AUTS2: variants seen among roughly 807,000 people sequenced by gnomAD.
AUTS2 encodes activator of transcription and developmental regulator AUTS2, also known as autism susceptibility gene 2 protein.
AUTS2 carries 17 observed loss-of-function variants against 112.4 expected under a neutral mutation model. The observed-to-expected ratio is 0.15, with a 90% CI of 0.10 to 0.23. AUTS2 has a LOEUF of 0.23. AUTS2 is among the 10% of genes least tolerant of loss of function. The pLI is 1.00. For missense variants in AUTS2, 1,510 were observed against 1,701.6 expected, an observed-to-expected ratio of 0.89 and a Z score of 1.98; for synonymous variants, 751 against 702.7, an observed-to-expected ratio of 1.07 and a Z score of -1.09.
intron 6 of AUTS2, among the ~76,000 whole-genome samples, chr7:70,710,194 T>G (rs1414531773): frequency 6.8e-6 from 1 of 146,026 alleles, no homozygotes; most frequent in African/African-American, 2.6e-5. Flanking sequence ...GACTGTCATT[T>G]GGACCACTTC....
intron 1 of AUTS2, among the ~76,000 whole-genome samples, chr7:69,724,272 A>G (rs188204272): frequency 1.3e-5 from 2 of 152,300 alleles, no homozygotes; most frequent in Admixed American, 1.3e-4. Flanking sequence ...GATTCTTTTT[A>G]ACGATTTCAT....
At chr7:70,491,675 C>T (rs758216506) in intron 5 of AUTS2, among the ~76,000 whole-genome samples, 5 of 150,760 alleles carry the variant, frequency 3.3e-5, no homozygotes, top group South Asian at 2.1e-4. Flanking sequence ...AGTGCAGTGG[C>T]GCAATCTCAG....
chr7:70,272,010 G>A (rs184776888), intron 4 of AUTS2, among the ~76,000 whole-genome samples: 2 of 152,216 alleles, frequency 1.3e-5, no homozygotes, highest in African/African-American at 4.8e-5. Flanking sequence ...AGACTAGGAC[G>A]CGTCTCAGCA....
chr7:69,800,175 A>G (rs1277841370), intron 1 of AUTS2, among the ~76,000 whole-genome samples: 1 of 152,198 alleles, frequency 6.6e-6, no homozygotes, highest in Non-Finnish European at 1.5e-5. Flanking sequence ...ACTCCAGGTC[A>G]ATGTATTCCC....
intron 4 of AUTS2, among the ~76,000 whole-genome samples, chr7:70,310,898 C>T (rs1789718468): frequency 1.3e-5 from 2 of 152,190 alleles, no homozygotes; most frequent in African/African-American, 4.8e-5. Context: ...AATGTTAATA[C>T]AAGTAAAATA....
At chr7:69,925,415 AC>A (rs1183939777) in intron 2 of AUTS2, among the ~76,000 whole-genome samples, 1 of 152,128 alleles carries the variant, frequency 6.6e-6, no homozygotes, top group African/African-American at 2.4e-5. Context: ...CTTTAGCAGC[AC>A]CCCAAATATT....
intron 4 of AUTS2, among the ~76,000 whole-genome samples, chr7:70,328,424 G>A (rs1790591889): frequency 1.3e-5 from 2 of 151,872 alleles, no homozygotes; most frequent in South Asian, 4.2e-4. Context: ...GTCTTGCTTT[G>A]TTGCCTAGGC....
intron 5 of AUTS2, among the ~76,000 whole-genome samples, chr7:70,595,694 T>C (rs1198647324): frequency 6.6e-6 from 1 of 152,218 alleles, no homozygotes; most frequent in Non-Finnish European, 1.5e-5. Flanking sequence ...TAACATGAAG[T>C]TGGAGTAGAT....
intron 1 of AUTS2, among the ~76,000 whole-genome samples, chr7:69,891,482 A>G (rs1404308233): frequency 6.6e-6 from 1 of 152,152 alleles, no homozygotes; most frequent in African/African-American, 2.4e-5. Context: ...AATTTCTCTT[A>G]GGGAAATACC....
intron 1 of AUTS2, among the ~76,000 whole-genome samples, chr7:69,651,389 G>T (rs1795280831): frequency 1.3e-5 from 2 of 152,302 alleles, no homozygotes; most frequent in Admixed American, 1.3e-4. Flanking sequence ...GCACCAGGAA[G>T]GTGGCCATTT....
At chr7:70,364,076 T>A (rs920333234) in intron 4 of AUTS2, among the ~76,000 whole-genome samples, 3 of 152,078 alleles carry the variant, frequency 2.0e-5, no homozygotes, top group Admixed American at 6.6e-5. Context: ...TTCAGCAGGG[T>A]TTGTGGAAGG....
chr7:69,979,747 G>A (rs551282484), intron 2 of AUTS2, among the ~76,000 whole-genome samples: 1 of 152,294 alleles, frequency 6.6e-6, no homozygotes, highest in Non-Finnish European at 1.5e-5. Flanking sequence ...AGGGCAGGAG[G>A]CATCCTTTTC....
chr7:70,268,467 T>C (rs1194592339), intron 4 of AUTS2, among the ~76,000 whole-genome samples: 1 of 152,216 alleles, frequency 6.6e-6, no homozygotes, highest in African/African-American at 2.4e-5. Context: ...GGGACCATTA[T>C]TTGTTTATTA....
At chr7:70,066,983 C>G (rs561961424) in intron 2 of AUTS2, among the ~76,000 whole-genome samples, 2 of 152,300 alleles carry the variant, frequency 1.3e-5, no homozygotes, top group Non-Finnish European at 2.9e-5. Flanking sequence ...GTGATAATAT[C>G]GAAGTCAATG....
At chr7:70,762,036 C>T (rs191632175) in intron 6 of AUTS2, among the ~76,000 whole-genome samples, 19 of 152,086 alleles carry the variant, frequency 1.2e-4, no homozygotes, top group African/African-American at 4.6e-4. Flanking sequence ...ACTTGCTGAA[C>T]AAAAAATTAT....
intron 1 of AUTS2, among the ~76,000 whole-genome samples, chr7:69,606,415 G>GT (rs1792718600): frequency 6.6e-6 from 1 of 152,216 alleles, no homozygotes; most frequent in Non-Finnish European, 1.5e-5. Context: ...CATTTCGGGT[G>GT]TTTGTGTATG....
At chr7:69,698,928 A>G (rs17352085) in intron 1 of AUTS2, among the ~76,000 whole-genome samples, 2,250 of 152,236 alleles carry the variant, frequency 0.015, 22 homozygotes, top group Non-Finnish European at 0.024. Flanking sequence ...GGTAAGATAG[A>G]TTTCCCAATG....
intron 1 of AUTS2, among the ~76,000 whole-genome samples, chr7:69,632,813 G>A (rs2533444): frequency 0.62 from 93,382 of 151,804 alleles, 29,034 homozygotes; most frequent in East Asian, 0.7. Flanking sequence ...TAAATGTAGT[G>A]AACCTTGAGA....
intron 1 of AUTS2, among the ~76,000 whole-genome samples, chr7:69,832,507 A>G (rs1791548861): frequency 6.6e-6 from 1 of 151,950 alleles, no homozygotes; most frequent in South Asian, 2.1e-4. Flanking sequence ...AGCATTACAG[A>G]CTCCCCTGCT....
Sources: allele counts gnomAD v4.1 joint callset (sites outside exome capture counted in the v4.1 genomes callset), GRCh38; gene constraint gnomAD v4.1.1; transcripts MANE v1.5; gene names NCBI Gene and HGNC (gene_info 2026-07-23, HGNC 2026-07-21).